TMTC1: variants seen among roughly 807,000 people sequenced by gnomAD.
TMTC1 encodes transmembrane O-mannosyltransferase targeting cadherins 1, also known as protein O-mannosyl-transferase TMTC1.
TMTC1 carries 73 observed loss-of-function variants against 104.8 expected under a neutral mutation model. The ratio of observed to expected loss-of-function variants is 0.70; its 90% CI spans 0.58 to 0.85. The LOEUF (loss-of-function observed/expected upper bound fraction) is 0.85. TMTC1 is among the 40% of genes least tolerant of loss of function. The probability of loss-of-function intolerance (pLI) is 0.00; values close to 1 mark genes in which losing one functional copy is unlikely to be tolerated. For synonymous variants in TMTC1, 434 were observed against 428.7 expected, an observed-to-expected ratio of 1.01 and a Z score of -0.15; for missense variants, 1,035 against 1,096.1, an observed-to-expected ratio of 0.94 and a Z score of 0.79.
chr12:29,572,252 G>C, intron 8 of TMTC1, 34 bp from the exon 9 acceptor site: 1 of 1,494,798 alleles, frequency 6.7e-7, no homozygotes, highest in Non-Finnish European at 9.3e-7. Context: ...AGAATTATTT[G>C]ACAAAGAATA....
intron 6 of TMTC1, among the ~76,000 whole-genome samples, chr12:29,609,651 C>CTTCA (rs1351335021): frequency 6.6e-6 from 1 of 152,216 alleles, no homozygotes; most frequent in Non-Finnish European, 1.5e-5. Flanking sequence ...GGGGAACTGA[C>CTTCA]TTCATCTTCA....
chr12:29,710,044 T>C (rs1941856364), intron 5 of TMTC1, among the ~76,000 whole-genome samples: 1 of 151,916 alleles, frequency 6.6e-6, no homozygotes, highest in African/African-American at 2.4e-5. Flanking sequence ...GTTGTTCTGA[T>C]ACTGCTATAC....
chr12:29,737,306 G>A (rs983382894), intron 5 of TMTC1, among the ~76,000 whole-genome samples: 3 of 152,142 alleles, frequency 2.0e-5, no homozygotes, highest in Non-Finnish European at 4.4e-5. Flanking sequence ...ATCACTTGAG[G>A]TCCGGAATTC....
intron 10 of TMTC1, among the ~76,000 whole-genome samples, chr12:29,553,993 G>A (rs73071505): frequency 0.13 from 19,478 of 152,074 alleles, 1,560 homozygotes; most frequent in African/African-American, 0.22. Context: ...GCTTCTATGG[G>A]TAAAATACTC....
intron 5 of TMTC1, among the ~76,000 whole-genome samples, chr12:29,718,027 A>G (rs1942132166): frequency 6.6e-6 from 1 of 152,226 alleles, no homozygotes; most frequent in Non-Finnish European, 1.5e-5. Flanking sequence ...ATCAGTTAAA[A>G]TGTCAAAATA....
intron 5 of TMTC1, among the ~76,000 whole-genome samples, chr12:29,654,242 T>G (rs1396516356): frequency 6.6e-6 from 1 of 152,112 alleles, no homozygotes; most frequent in African/African-American, 2.4e-5. Flanking sequence ...TGTTACAACT[T>G]GGAAATAAAA....
At chr12:29,554,028 G>A (rs949275301) in intron 10 of TMTC1, among the ~76,000 whole-genome samples, 3 of 152,052 alleles carry the variant, frequency 2.0e-5, no homozygotes, top group African/African-American at 4.8e-5. Context: ...TGAATGTAGC[G>A]CTATATAATC....
At chr12:29,578,327 A>G (rs1001393131) in intron 8 of TMTC1, among the ~76,000 whole-genome samples, 1 of 152,058 alleles carries the variant, frequency 6.6e-6, no homozygotes, top group Non-Finnish European at 1.5e-5. Context: ...CACAATGAAC[A>G]GTTTGTGAAA....
intron 5 of TMTC1, among the ~76,000 whole-genome samples, chr12:29,656,600 A>C (rs2136624361): frequency 6.6e-6 from 1 of 152,152 alleles, no homozygotes; most frequent in Middle Eastern, 3.4e-3. Flanking sequence ...AAGAACAGAA[A>C]GATGTTTCTC....
At chr12:29,654,907 T>C (rs1332692167) in intron 5 of TMTC1, among the ~76,000 whole-genome samples, 1 of 152,130 alleles carries the variant, frequency 6.6e-6, no homozygotes, top group Admixed American at 6.5e-5. Flanking sequence ...TTGTTTTTAA[T>C]GGAGTCTTGC....
At chr12:29,536,136 A>G in intron 11 of TMTC1, 73 bp downstream of exon 11, 1 of 1,011,438 alleles carries the variant, frequency 9.9e-7, no homozygotes. Context: ...AATCATTAGT[A>G]CAAAAATCTG....
At chr12:29,525,740 AC>A (rs1944325774) in intron 11 of TMTC1, among the ~76,000 whole-genome samples, 2 of 152,202 alleles carry the variant, frequency 1.3e-5, no homozygotes, top group Non-Finnish European at 2.9e-5. Flanking sequence ...AGGCCAACTT[AC>A]GTTTTCCCCT....
At chr12:29,659,927 A>G in intron 5 of TMTC1, 1 of 1,536,124 alleles carries the variant, frequency 6.5e-7, no homozygotes, top group Non-Finnish European at 8.7e-7. Context: ...CCTGCTCTGA[A>G]AAGAGGGGCA....
intron 5 of TMTC1, among the ~76,000 whole-genome samples, chr12:29,748,327 G>T (rs1592005995): frequency 6.6e-6 from 1 of 152,208 alleles, no homozygotes; most frequent in African/African-American, 2.4e-5. Flanking sequence ...AGCAAGTCAA[G>T]AGGTGTCTCA....
intron 6 of TMTC1, among the ~76,000 whole-genome samples, chr12:29,630,032 G>T (rs1938215722): frequency 6.6e-6 from 1 of 151,830 alleles, no homozygotes; most frequent in African/African-American, 2.4e-5. Flanking sequence ...ATATATTTTG[G>T]TGAGTTTCAC....
At chr12:29,639,431 T>C (rs1045052026) in intron 5 of TMTC1, among the ~76,000 whole-genome samples, 1 of 152,172 alleles carries the variant, frequency 6.6e-6, no homozygotes, top group Non-Finnish European at 1.5e-5. Flanking sequence ...ATTAGACATG[T>C]ATAATATAAA....
chr12:29,749,140 C>T (rs1316000421), intron 5 of TMTC1, among the ~76,000 whole-genome samples: 2 of 152,066 alleles, frequency 1.3e-5, no homozygotes, highest in African/African-American at 2.4e-5. Context: ...AGTTATTAAA[C>T]AATTAGCAGC....
intron 2 of TMTC1, among the ~76,000 whole-genome samples, chr12:29,765,027 A>G (rs1414752689): frequency 2.0e-5 from 3 of 152,136 alleles, no homozygotes; most frequent in African/African-American, 7.2e-5. Context: ...CAGATTTCCA[A>G]TTGTACAAGA....
In TMTC1 at chr12:29,576,275, T is replaced by C. The variant is rs1257692989; in HGVS notation, c.1419-4057A>G. Among the ~76,000 whole-genome samples, 3 of 152,334 alleles carry C rather than the reference T, an allele frequency of 2.0e-5. No individual in the cohort carries two copies. In the East Asian group the frequency reaches 5.8e-4, roughly 29 times the overall value. On this transcript the variant is annotated intron_variant, in intron 8 of 17. Transcript: ENST00000539277. The stretch of plus-strand genomic sequence containing the variant: ...TTTGATGCAGTCCCATTTGTGTATT[T>C]GTGATTTTGCTGCCTGCGCTCTTAG...
Sources: gnomAD v4.1 joint callset for allele counts (sites outside exome capture counted in the v4.1 genomes callset) on GRCh38, gnomAD v4.1.1 for gene constraint, MANE v1.5 for transcripts, NCBI Gene and HGNC (gene_info 2026-07-23, HGNC 2026-07-21) for gene names.